KLB: variants seen among roughly 807,000 people sequenced by gnomAD.
KLB encodes beta-klotho.
Under a neutral mutation model 88.4 loss-of-function variants are expected in KLB, and 44 were observed. The ratio of observed to expected loss-of-function variants is 0.50; its 90% CI spans 0.39 to 0.64. KLB has a LOEUF of 0.64. Among genes scored for constraint, KLB ranks in the 30% least tolerant of loss-of-function variants. The probability of loss-of-function intolerance (pLI) is 0.00; values close to 1 mark genes in which losing one functional copy is unlikely to be tolerated. For synonymous variants in KLB, 548 were observed against 513.4 expected (o/e 1.07, Z -0.91); for missense variants, 1,137 against 1,304.8 (o/e 0.87, Z 1.98).
chr4:39,447,450 G>C lies in KLB; in HGVS notation c.2724G>C (p.Gly908=), dbSNP rs1244305611. ...EDDRLRKYYL[G]KYLQEVLKAY... ...ACCGGCTCCGGAAGTACTACCTAGG[G>C]AAGTACCTTCAGGAGGTGCTGAAAG... Residue 908 remains glycine, a synonymous_variant, in exon 4 of 5, where the codon GGG becomes GGC. Coordinates refer to ENST00000257408, the MANE Select transcript of KLB (RefSeq NM_175737.4). The C allele has an allele frequency of 1.3e-6, 2 of 1,598,384 alleles. No homozygotes were observed. Among genetic ancestry groups the C allele is most frequent in the African/African-American group, 2.7e-5 (2 of 74,756 alleles).
chr4:39,418,254 T>G (rs1199090132), intron 1 of KLB, among the ~76,000 whole-genome samples: 7 of 152,182 alleles, frequency 4.6e-5, no homozygotes, highest in Non-Finnish European at 8.8e-5. Flanking sequence ...TTTTTTATTT[T>G]TTTTGAAGAG....
intron 3 of KLB, among the ~76,000 whole-genome samples, chr4:39,440,134 TTTCTC>T (rs1007250515): frequency 4.7e-5 from 7 of 150,232 alleles, no homozygotes; most frequent in African/African-American, 1.5e-4. Context: ...TCTTTTCTTT[TTTCTC>T]TTCTCTTCTT....
At chr4:39,440,281 A>T (rs1743571867) in intron 3 of KLB, among the ~76,000 whole-genome samples, 2 of 151,740 alleles carry the variant, frequency 1.3e-5, no homozygotes, top group Admixed American at 6.6e-5. Flanking sequence ...AGTAGCTGGG[A>T]TTACAGGTGC....
intron 3 of KLB, 114 bp downstream of exon 3, chr4:39,438,109 A>G: frequency 1.0e-6 from 1 of 963,068 alleles, no homozygotes; most frequent in Non-Finnish European, 1.5e-6. Context: ...CCACAATTGT[A>G]TGGAGGTTAT....
intron 2 of KLB, among the ~76,000 whole-genome samples, chr4:39,436,447 G>A (rs1053926405): frequency 6.6e-6 from 1 of 152,116 alleles, no homozygotes; most frequent in Non-Finnish European, 1.5e-5. Flanking sequence ...CATTCCCCAG[G>A]TGTTACCATT....
At chr4:39,415,589 A>C (rs1318658564) in intron 1 of KLB, among the ~76,000 whole-genome samples, 1 of 152,234 alleles carries the variant, frequency 6.6e-6, no homozygotes, top group Non-Finnish European at 1.5e-5. Flanking sequence ...AATGTGCATT[A>C]TTTATTAGAT....
At chr4:39,435,539 C>T (rs555437154) in intron 2 of KLB, among the ~76,000 whole-genome samples, 1 of 152,262 alleles carries the variant, frequency 6.6e-6, no homozygotes, top group South Asian at 2.1e-4. Flanking sequence ...AATTCTTCTG[C>T]TTCAGCCTCC....
chr4:39,444,134 G>T (rs1408615518), intron 3 of KLB, among the ~76,000 whole-genome samples: 2 of 152,186 alleles, frequency 1.3e-5, no homozygotes, highest in African/African-American at 4.8e-5. Flanking sequence ...TCCAGCCTGG[G>T]CGACAAGAAC....
rs779288504 is a variant in KLB at position 39,407,789 on chromosome 4, GCTT to G, written c.825+22_825+24del. ...ACTTGATCAAGGTACTGTACAGCTA[GCTT>G]CTTCTTATAGCTTCAGAAAACACTA... On this transcript the variant is annotated intron_variant, in intron 1 of 4. Transcript: ENST00000257408. The G allele has an allele frequency of 4.2e-6, 6 of 1,413,796 alleles. No homozygotes were observed. Among genetic ancestry groups the G allele is most frequent in the East Asian group, 4.6e-5 (2 of 43,216 alleles). 87.6% of individuals were successfully genotyped at this position (1,413,796 alleles called of 1,614,324 possible). A position where few individuals can be genotyped will look rare whatever the true frequency, so the allele number is the denominator to read the frequency against.
chr4:39,438,957 C>T (rs1294711644), intron 3 of KLB, among the ~76,000 whole-genome samples: 1 of 150,572 alleles, frequency 6.6e-6, no homozygotes, highest in Non-Finnish European at 1.5e-5. Context: ...CTTCCACATG[C>T]ACAGTGATTT....
chr4:39,422,221 A>G (rs978275942), intron 1 of KLB, among the ~76,000 whole-genome samples: 1 of 152,218 alleles, frequency 6.6e-6, no homozygotes, highest in Non-Finnish European at 1.5e-5. Context: ...ATGACAGTGA[A>G]CTAGGAAGGT....
intron 3 of KLB, among the ~76,000 whole-genome samples, chr4:39,439,002 T>C (rs1172459795): frequency 6.7e-6 from 1 of 148,872 alleles, no homozygotes; most frequent in Non-Finnish European, 1.5e-5. Flanking sequence ...CTCTACTTCA[T>C]CTTTTTTTTT....
At chr4:39,408,063 G>A (rs1742767889) in intron 1 of KLB, among the ~76,000 whole-genome samples, 1 of 152,102 alleles carries the variant, frequency 6.6e-6, no homozygotes, top group African/African-American at 2.4e-5. Context: ...CATTCTGTGG[G>A]AAAACAGTGC....
At chr4:39,448,213 T>G in intron 4 of KLB, 88 bp from the exon 5 acceptor site, 1 of 1,015,266 alleles carries the variant, frequency 9.8e-7, no homozygotes, top group Non-Finnish European at 1.4e-6. Flanking sequence ...TGGGCATAAT[T>G]TTAGCTTGTT....
intron 4 of KLB, among the ~76,000 whole-genome samples, chr4:39,447,692 G>A (rs554609865): frequency 6.6e-6 from 1 of 152,288 alleles, no homozygotes; most frequent in African/African-American, 2.4e-5. Flanking sequence ...AACTGGGCAC[G>A]TGGAGAAGTT....
chr4:39,446,099 T>G lies in KLB; in HGVS notation c.1606-233T>G, dbSNP rs1378440793. On this transcript the variant is annotated intron_variant, in intron 3 of 4. Coordinates refer to ENST00000257408, the MANE Select transcript of KLB (RefSeq NM_175737.4). The surrounding 1 kb of genome is among the most constrained non-coding windows in gnomAD (Gnocchi z 6.4). ...CCATATATAACCTAGGGTTTAAAGT[T>G]AAATGAACTGGAAAATGGCTTCCCA... Among the ~76,000 whole-genome samples, 1 of 152,214 alleles carries G rather than the reference T, an allele frequency of 6.6e-6. No homozygotes were observed. Among genetic ancestry groups the G allele is most frequent in the East Asian group, 1.9e-4 (1 of 5,202 alleles).
chr4:39,443,671 G>A (rs1321290016), intron 3 of KLB, among the ~76,000 whole-genome samples: 1 of 144,952 alleles, frequency 6.9e-6, no homozygotes, highest in East Asian at 2.0e-4. Context: ...GGAGGCAGAA[G>A]AATCACTTGA....
intron 1 of KLB, among the ~76,000 whole-genome samples, chr4:39,420,315 A>G (rs1284547746): frequency 6.6e-6 from 1 of 152,184 alleles, no homozygotes; most frequent in Non-Finnish European, 1.5e-5. Context: ...TTAATCATGT[A>G]TAATACATGA....
Position 39,447,183 on chromosome 4 carries a change from C to A in KLB, c.2457C>A (p.Asp819Glu). ...GGAGGCTGCTCAAGGGCACGGTCGACTTCTGCGCGCTCAACCACTTCACCA... is the reference window on the plus strand; with the variant it reads ...GGAGGCTGCTCAAGGGCACGGTCGAATTCTGCGCGCTCAACCACTTCACCA... ...AERRLLKGTV[D>E]FCALNHFTTR... The change falls in exon 4 of 5, where the codon GAC becomes GAA. Residue 819 changes from aspartate to glutamate, a missense_variant. Physicochemically the swap from Asp to Glu is conservative, Grantham distance 45. This residue lies in a region of KLB where 426 missense variants were observed against 404.6 expected (regional missense o/e 1.05). Coordinates refer to ENST00000257408, the MANE Select transcript of KLB (RefSeq NM_175737.4). The A allele has an allele frequency of 6.2e-7, 1 of 1,613,954 alleles. No individual in the cohort carries two copies. The highest frequency in any genetic ancestry group is 8.5e-7 in the Non-Finnish European group (1 of 1,180,044).
Sources: allele counts gnomAD v4.1 joint callset (sites outside exome capture counted in the v4.1 genomes callset), GRCh38; gene constraint gnomAD v4.1.1; regional missense constraint gnomAD v4.1.1; non-coding constraint Gnocchi (gnomAD v3.1); transcripts MANE v1.5; gene names NCBI Gene and HGNC (gene_info 2026-07-23, HGNC 2026-07-21).